The following PAK3 variants were observed in gnomAD, a reference collection of about 807,000 sequenced individuals.
PAK3 encodes the protein serine/threonine-protein kinase PAK 3.
PAK3 carries 4 observed loss-of-function variants against 41.0 expected under a neutral mutation model. That is an observed-to-expected ratio of 0.10 (90% confidence interval 0.05 to 0.22). PAK3 has a LOEUF of 0.22. PAK3 is among the 10% of genes least tolerant of loss of function. The pLI is 1.00. For synonymous variants in PAK3, 146 were observed against 139.6 expected (o/e 1.05, Z -0.32); for missense variants, 205 against 409.9 (o/e 0.50, Z 4.32).
At chrX:111,075,977 A>G (rs761795299) in intron 1 of PAK3, among the ~76,000 whole-genome samples, 4 of 112,640 alleles carry the variant, frequency 3.6e-5, no homozygotes, top group Non-Finnish European at 7.5e-5. Context: ...CATGGGGCCT[A>G]TTGCCCTTTC....
intron 11 of PAK3, among the ~76,000 whole-genome samples, chrX:111,178,712 G>A (rs761274448): frequency 7.3e-5 from 8 of 109,981 alleles, no homozygotes; most frequent in Non-Finnish European, 1.5e-4. Flanking sequence ...ATTATTTACA[G>A]CCAAGGAGTG....
At chrX:110,995,170 A>G (rs1444741869) in intron 1 of PAK3, among the ~76,000 whole-genome samples, 2 of 111,236 alleles carry the variant, frequency 1.8e-5, no homozygotes, top group African/African-American at 6.5e-5. Flanking sequence ...AGAAAGCATA[A>G]AAAAACCAGT....
chrX:110,993,603 T>C (rs73543416), intron 1 of PAK3, among the ~76,000 whole-genome samples: 3,329 of 112,073 alleles, frequency 0.03, 105 homozygotes, highest in African/African-American at 0.1. Context: ...TTGATCAATA[T>C]GTTACTATCT....
intron 1 of PAK3, among the ~76,000 whole-genome samples, chrX:111,080,809 A>C (rs1021117827): frequency 8.9e-6 from 1 of 112,314 alleles, no homozygotes; most frequent in African/African-American, 3.2e-5. Context: ...TATTCACGGT[A>C]GTCAAGATAT....
chrX:111,113,489 A>C (rs775737580), intron 4 of PAK3, among the ~76,000 whole-genome samples: 2 of 111,723 alleles, frequency 1.8e-5, no homozygotes, highest in East Asian at 5.7e-4. Flanking sequence ...GATTTCTTAT[A>C]TAGCAATAAG....
intron 1 of PAK3, among the ~76,000 whole-genome samples, chrX:111,016,893 T>A (rs2092100647): frequency 9.0e-6 from 1 of 111,260 alleles, no homozygotes; most frequent in Non-Finnish European, 1.9e-5. Flanking sequence ...TAGGATTTTC[T>A]GACCTGTTAC....
At chrX:111,005,800 A>G (rs1947536983) in intron 1 of PAK3, among the ~76,000 whole-genome samples, 1 of 111,818 alleles carries the variant, frequency 8.9e-6, no homozygotes, top group Admixed American at 9.5e-5. Flanking sequence ...TCATTTTTTC[A>G]TAAGGACTGT....
intron 1 of PAK3, among the ~76,000 whole-genome samples, chrX:110,948,416 G>C (rs1346863011): frequency 9.0e-6 from 1 of 111,647 alleles, no homozygotes; most frequent in East Asian, 2.8e-4. Flanking sequence ...ACCCAACCTG[G>C]GCTGGAGTCC....
At chrX:111,193,541 G>A (rs1227704649) in intron 13 of PAK3, among the ~76,000 whole-genome samples, 1 of 108,884 alleles carries the variant, frequency 9.2e-6, no homozygotes, top group Non-Finnish European at 1.9e-5. Context: ...GTAGAGACGG[G>A]GTTTCGCCAT....
intron 5 of PAK3, among the ~76,000 whole-genome samples, chrX:111,132,909 G>T (rs2093739025): frequency 9.0e-6 from 1 of 111,068 alleles, no homozygotes; most frequent in African/African-American, 3.3e-5. Context: ...CACACGCCGA[G>T]TTTGTGGGAA....
chrX:111,179,245 G>A (rs1182811246), intron 11 of PAK3, among the ~76,000 whole-genome samples: 2 of 109,259 alleles, frequency 1.8e-5, no homozygotes, highest in Non-Finnish European at 3.8e-5. Flanking sequence ...TATATTACCT[G>A]ACTTCCATCT....
intron 4 of PAK3, among the ~76,000 whole-genome samples, chrX:111,121,737 G>A (rs2093573740): frequency 8.9e-6 from 1 of 111,764 alleles, no homozygotes; most frequent in Non-Finnish European, 1.9e-5. Context: ...TAGTTTTAAA[G>A]GGATTTGATT....
intron 1 of PAK3, among the ~76,000 whole-genome samples, chrX:111,040,147 G>A (rs1341971559): frequency 1.8e-5 from 2 of 111,148 alleles, no homozygotes; most frequent in Admixed American, 9.5e-5. Flanking sequence ...TGCAAGTATG[G>A]CCTTGGAATC....
At position 111,112,752 on chromosome X, in the gene PAK3, T is replaced by C. The variant is rs888103369; in HGVS notation, c.-28+9446T>C. Among the ~76,000 whole-genome samples the C allele has an allele frequency of 9.8e-5, 11 of 111,911 alleles. No homozygotes were observed. In the East Asian group the frequency reaches 2.2e-3, roughly 23 times the overall value. The stretch of plus-strand genomic sequence containing the variant: ...ATTCCTTCTGTTAGAAACAATTCTT[T>C]TGGGTTTATAAAAAATCTACTAAAT... On this transcript the variant is annotated intron_variant, in intron 4 of 17. Coordinates refer to ENST00000372007, the MANE Select transcript of PAK3 (RefSeq NM_002578.5).
intron 1 of PAK3, among the ~76,000 whole-genome samples, chrX:111,044,982 G>T (rs775897177): frequency 8.9e-6 from 1 of 111,967 alleles, no homozygotes; most frequent in Non-Finnish European, 1.9e-5. Context: ...TGACATGAAA[G>T]CTTACAGTGG....
At chrX:111,186,521 A>T (rs1187399338) in intron 11 of PAK3, among the ~76,000 whole-genome samples, 15 of 111,429 alleles carry the variant, frequency 1.3e-4, no homozygotes, top group African/African-American at 4.9e-4. Flanking sequence ...TCATGAGTGA[A>T]CTCCTATTTA....
intron 8 of PAK3, among the ~76,000 whole-genome samples, chrX:111,159,256 C>T (rs1039263597): frequency 9.0e-6 from 1 of 111,216 alleles, no homozygotes; most frequent in Non-Finnish European, 1.9e-5. Context: ...AATGAAATTT[C>T]TTTAAATGCT....
At chrX:111,090,089 G>A (rs988876544) in intron 1 of PAK3, among the ~76,000 whole-genome samples, 25 of 110,228 alleles carry the variant, frequency 2.3e-4, no homozygotes, top group Non-Finnish European at 4.2e-4. Flanking sequence ...TTACCTCCAG[G>A]GAAATGAAAG....
chrX:110,979,115 C>G (rs1449077445), intron 1 of PAK3, among the ~76,000 whole-genome samples: 1 of 110,505 alleles, frequency 9.0e-6, no homozygotes, highest in Non-Finnish European at 1.9e-5. Context: ...TATAGAATTG[C>G]TTGTACTACT....
Sources: gnomAD v4.1 joint callset for allele counts (sites outside exome capture counted in the v4.1 genomes callset) on GRCh38, gnomAD v4.1.1 for gene constraint, MANE v1.5 for transcripts, NCBI Gene and HGNC (gene_info 2026-07-23, HGNC 2026-07-21) for gene names.